The following COL24A1 variants were observed in gnomAD, a reference collection of about 807,000 sequenced individuals.
The protein encoded by COL24A1 is collagen alpha-1(XXIV) chain.
Under a neutral mutation model 253.9 loss-of-function variants are expected in COL24A1, and 224 were observed. The observed-to-expected ratio is 0.88, with a 90% confidence interval of 0.79 to 0.99. The LOEUF (loss-of-function observed/expected upper bound fraction) is 0.99. Among genes scored for constraint, COL24A1 ranks in the 50% least tolerant of loss-of-function variants. COL24A1 has a pLI of 0.00. For missense variants in COL24A1, 2,131 were observed against 2,068.5 expected (o/e 1.03, Z -0.59); for synonymous variants, 685 against 673.7 (o/e 1.02, Z -0.26).
At chr1:85,949,183 C>T (rs1050013632) in intron 24 of COL24A1, among the ~76,000 whole-genome samples, 4 of 151,944 alleles carry the variant, frequency 2.6e-5, no homozygotes, top group Non-Finnish European at 2.9e-5. Context: ...TTTCATTCAA[C>T]AAATATTTAT....
intron 18 of COL24A1, among the ~76,000 whole-genome samples, chr1:86,020,061 CTTTTT>C (rs10582249): frequency 1.2e-3 from 122 of 102,628 alleles, no homozygotes; most frequent in African/African-American, 3.4e-3. Context: ...TTCATTCTTT[CTTTTT>C]TTTTTTTTTT....
chr1:85,869,768 G>T (rs902204419), intron 35 of COL24A1, among the ~76,000 whole-genome samples: 1 of 152,066 alleles, frequency 6.6e-6, no homozygotes, highest in Non-Finnish European at 1.5e-5. Flanking sequence ...GACCATCGAT[G>T]CTAGGAAGAA....
rs1663357548 is a variant in COL24A1, at chr1:85,730,399, G to A, written c.*147C>T. 1 of 738,862 alleles carries A rather than the reference G, an allele frequency of 1.4e-6. No homozygotes were observed. The highest frequency in any genetic ancestry group is 2.8e-5 in the East Asian group (1 of 35,922). The allele number at this position is 738,862 out of a possible 1,614,324, so 45.8% of individuals were successfully genotyped here. ...TAAAAATGCCTTTTCTCCTTCTTAGGAGGAAGTCTGTTCTTCCTGAGATTC... is the reference window on the plus strand; with the variant it reads ...TAAAAATGCCTTTTCTCCTTCTTAGAAGGAAGTCTGTTCTTCCTGAGATTC... On this transcript the variant is annotated 3_prime_UTR_variant, in exon 60 of 60. Transcript: ENST00000370571.
intron 20 of COL24A1, among the ~76,000 whole-genome samples, chr1:85,982,421 C>T (rs922678932): frequency 6.6e-6 from 1 of 151,874 alleles, no homozygotes; most frequent in Non-Finnish European, 1.5e-5. Context: ...GGGTGTATTT[C>T]ATGTTATATG....
At chr1:86,133,356 A>G (rs1005803829) in intron 2 of COL24A1, among the ~76,000 whole-genome samples, 1 of 152,046 alleles carries the variant, frequency 6.6e-6, no homozygotes, top group Non-Finnish European at 1.5e-5. Flanking sequence ...CTTCTCCTGC[A>G]TGATTGCCCT....
At chr1:86,075,890 A>G (rs1410392978) in intron 7 of COL24A1, among the ~76,000 whole-genome samples, 9 of 152,234 alleles carry the variant, frequency 5.9e-5, no homozygotes, top group Admixed American at 3.9e-4. Flanking sequence ...GATGGAATGT[A>G]TCTCAAAATA....
chr1:86,007,282 G>A (rs542844865), intron 19 of COL24A1, among the ~76,000 whole-genome samples: 1 of 152,034 alleles, frequency 6.6e-6, no homozygotes, highest in Non-Finnish European at 1.5e-5. Flanking sequence ...TGGTGCCACT[G>A]CACACTCACT....
intron 19 of COL24A1, among the ~76,000 whole-genome samples, chr1:86,012,443 G>C (rs1450078792): frequency 1.3e-5 from 2 of 152,096 alleles, no homozygotes; most frequent in African/African-American, 4.8e-5. Context: ...CAAAAAATAA[G>C]CCTGGTGTGG....
chr1:86,123,487 A>C (rs59856126), intron 3 of COL24A1, among the ~76,000 whole-genome samples: 7,057 of 152,076 alleles, frequency 0.046, 563 homozygotes, highest in African/African-American at 0.16. Context: ...TTTTCTGAGC[A>C]ATTACTGAGT....
At chr1:85,882,199 C>T (rs548250126) in intron 32 of COL24A1, among the ~76,000 whole-genome samples, 42 of 152,128 alleles carry the variant, frequency 2.8e-4, no homozygotes, top group South Asian at 1.9e-3. Flanking sequence ...TGTTGTTGGC[C>T]GGGCGCAGTG....
intron 43 of COL24A1, among the ~76,000 whole-genome samples, chr1:85,832,828 C>T (rs536444493): frequency 0.039 from 5,713 of 145,890 alleles, 445 homozygotes; most frequent in African/African-American, 0.15. Context: ...GATTTTGGGC[C>T]GAGACAATGG....
intron 8 of COL24A1, among the ~76,000 whole-genome samples, chr1:86,060,196 A>T (rs555578): frequency 0.44 from 66,363 of 151,150 alleles, 15,156 homozygotes; most frequent in Middle Eastern, 0.64. Context: ...CTTTTTTTTT[A>T]AAAAAGACTC....
chr1:86,072,716 G>A (rs1701960026), intron 7 of COL24A1, among the ~76,000 whole-genome samples: 1 of 152,304 alleles, frequency 6.6e-6, no homozygotes, highest in South Asian at 2.1e-4. Flanking sequence ...GGGGTCGACA[G>A]ACACCTCATA....
Position 86,022,744 on chromosome 1 carries a change from A to G in COL24A1, c.2148+89T>C, listed in dbSNP as rs1047427857. On this transcript the variant is annotated intron_variant, in intron 16 of 59. Coordinates refer to ENST00000370571, the MANE Select transcript of COL24A1 (RefSeq NM_152890.7). ...TTGATACTACAAATTAGACTCCATA[A>G]AAACAAAATATTTCATAAATTGTGT... The G allele has an allele frequency of 4.7e-6, 6 of 1,264,768 alleles. 1 individual carries two copies. Among genetic ancestry groups the G allele is most frequent in the Non-Finnish European group, 6.3e-6 (6 of 951,202 alleles). The allele number at this position is 1,264,768 out of a possible 1,614,324, so 78.3% of individuals were successfully genotyped here. A position where few individuals can be genotyped will look rare whatever the true frequency, so the allele number is the denominator to read the frequency against.
chr1:86,075,447 C>T (rs1196949820), intron 7 of COL24A1, among the ~76,000 whole-genome samples: 4 of 152,084 alleles, frequency 2.6e-5, no homozygotes, highest in South Asian at 2.1e-4. Context: ...AATTCATAGC[C>T]GAATTGTAAC....
chr1:86,146,262 C>A (rs1318579448), intron 1 of COL24A1, 79 bp from the exon 2 acceptor site: 4 of 1,084,446 alleles, frequency 3.7e-6, no homozygotes, highest in Non-Finnish European at 5.5e-6. Context: ...ACAGTCTATG[C>A]AAGATTAAGA....
chr1:85,823,890 T>C (rs910659125), intron 43 of COL24A1, 152 bp from the exon 44 acceptor site: 12 of 694,786 alleles, frequency 1.7e-5, no homozygotes, highest in Admixed American at 1.4e-4. Flanking sequence ...GAAAAGAACA[T>C]AATAGCTGTT....
At chr1:86,088,461 G>A (rs1453483020) in intron 7 of COL24A1, among the ~76,000 whole-genome samples, 7 of 152,020 alleles carry the variant, frequency 4.6e-5, no homozygotes, top group African/African-American at 1.7e-4. Context: ...ATAACTTAGT[G>A]TTTGGGAAAA....
rs553706649 is a variant in COL24A1 at position 85,783,216 on chromosome 1, C to T, written c.4284+280G>A. 1.0e-3 allele frequency among the ~76,000 whole-genome samples: 151 copies of T among 151,572 alleles called. 6 individuals carry two copies. In the South Asian group the frequency reaches 0.03, roughly 30 times the overall value. On this transcript the variant is annotated intron_variant, in intron 51 of 59. Transcript: ENST00000370571. Reference sequence around the variant, plus strand: ...GTGAAATTGCTGTATGTTTTTGTTCCTGGCGTGAGTTAATACATTATCCAG... The same window carrying T: ...GTGAAATTGCTGTATGTTTTTGTTCTTGGCGTGAGTTAATACATTATCCAG...
Sources: allele counts gnomAD v4.1 joint callset (sites outside exome capture counted in the v4.1 genomes callset), GRCh38; gene constraint gnomAD v4.1.1; transcripts MANE v1.5; gene names NCBI Gene and HGNC (gene_info 2026-07-23, HGNC 2026-07-21).